The following MUC17 variants were observed in gnomAD, a reference collection of about 807,000 sequenced individuals.
MUC17 encodes mucin-17.
MUC17 carries 190 observed loss-of-function variants against 170.3 expected under a neutral mutation model. The ratio of observed to expected loss-of-function variants is 1.12; its 90% CI spans 0.99 to 1.26. The LOEUF (loss-of-function observed/expected upper bound fraction) is 1.26. Ranked by LOEUF, MUC17 falls within the 50% of genes most tolerant of loss-of-function variation. The pLI is 0.00. For missense variants in MUC17, 6,415 were observed against 5,530.0 expected, an observed-to-expected ratio of 1.16 and a Z score of -5.08; for synonymous variants, 2,325 against 2,002.5, an observed-to-expected ratio of 1.16 and a Z score of -4.30.
chr7:101,035,236 A>G lies in MUC17; in HGVS notation c.3820A>G (p.Ser1274Gly). Residue 1274 changes from serine (S) to glycine (G), a missense_variant, in exon 3 of 13, where the codon AGT (serine) becomes GGT (glycine). Transcript: ENST00000306151. ...EGTSLPTSTT[S>G]EGSTLLTSIP... ...TACCAGCTTGCCAACCTCAACTACT[A>G]GTGAAGGAAGTACTCTATTAACAAG... 2 of 1,608,894 alleles carry G rather than the reference A, an allele frequency of 1.2e-6. No homozygotes were observed. The highest frequency in any genetic ancestry group is 1.1e-5 in the South Asian group (1 of 90,676).
intron 12 of MUC17, 147 bp from the exon 13 acceptor site, chr7:101,057,856 G>T (rs1795075212): frequency 1.6e-6 from 1 of 608,462 alleles, no homozygotes; most frequent in Non-Finnish European, 2.7e-6. Flanking sequence ...CTCCAGCCTG[G>T]ATGGCAGAGT....
intron 1 of MUC17, among the ~76,000 whole-genome samples, chr7:101,022,879 C>A (rs1794118978): frequency 6.6e-6 from 1 of 152,124 alleles, no homozygotes; most frequent in African/African-American, 2.4e-5. Flanking sequence ...CACTAACTCT[C>A]CTTGCCTCAA....
intron 5 of MUC17, 134 bp downstream of exon 5, chr7:101,049,106 C>A (rs2116471747): frequency 6.9e-7 from 1 of 1,449,464 alleles, no homozygotes; most frequent in Non-Finnish European, 9.5e-7. Context: ...GTCCTCAGGG[C>A]TTGCCAGTGC....
At position 101,038,224 on chromosome 7, in the gene MUC17, C is replaced by G. The variant is rs1211856696; in HGVS notation, c.6808C>G (p.Pro2270Ala). ...SPTTAEGTSIPTSTLSEGTTP... is the reference protein window; with the variant it reads ...SPTTAEGTSIATSTLSEGTTP... ...TACAACTGCTGAAGGTACCAGCATACCAACTTCAACTCTTAGTGAAGGAAC... is the reference window on the plus strand; with the variant it reads ...TACAACTGCTGAAGGTACCAGCATAGCAACTTCAACTCTTAGTGAAGGAAC... The change falls in exon 3 of 13, where the codon CCA (proline) becomes GCA (alanine). Residue 2270 changes from proline (P) to alanine (A), a missense_variant. Transcript: ENST00000306151. The G allele has an allele frequency of 6.2e-7, 1 of 1,613,966 alleles. No individual in the cohort carries two copies. Among genetic ancestry groups the G allele is most frequent in the Non-Finnish European group, 8.5e-7 (1 of 1,179,978 alleles).
intron 1 of MUC17, among the ~76,000 whole-genome samples, chr7:101,027,821 G>C (rs904529759): frequency 6.6e-6 from 1 of 151,848 alleles, no homozygotes; most frequent in East Asian, 1.9e-4. Flanking sequence ...GTCCAGACTG[G>C]AGTGCAGTGA....
At position 101,036,804 on chromosome 7, in the gene MUC17, C is replaced by T. The variant is rs765037778; in HGVS notation, c.5388C>T (p.Thr1796=). The T allele has an allele frequency of 1.1e-5, 17 of 1,605,652 alleles. No homozygotes were observed. The Admixed American group carries it at 2.9e-4, about 27-fold the overall frequency. ...ATSSPTTAEG[T]SIPTSTLSEG... ...CGTCTCCTACAACTGCTGAAGGTACCAGCATACCAACCTCGACTCTTAGTG... is the reference window on the plus strand; with the variant it reads ...CGTCTCCTACAACTGCTGAAGGTACTAGCATACCAACCTCGACTCTTAGTG... The change falls in exon 3 of 13, where the codon ACC becomes ACT. Residue 1796 remains threonine (T), a synonymous_variant. Coordinates refer to ENST00000306151, the MANE Select transcript of MUC17 (RefSeq NM_001040105.2).
At chr7:101,049,209 G>A in intron 5 of MUC17, 115 bp from the exon 6 acceptor site, 1 of 1,495,332 alleles carries the variant, frequency 6.7e-7, no homozygotes, top group Non-Finnish European at 9.3e-7. Flanking sequence ...TCCATTTGAT[G>A]AGTGTGCTAT....
In MUC17 at chr7:101,034,823, C is replaced by A; in HGVS notation, c.3407C>A (p.Thr1136Asn). 6.2e-7 allele frequency: 1 copy of A among 1,608,054 alleles called. No individual in the cohort carries two copies. Among genetic ancestry groups the A allele is most frequent in the Non-Finnish European group, 8.5e-7 (1 of 1,176,550 alleles). ...ACCAGCATACCTGTCACCACTTCTA[C>A]TGAAGCCAGTTCATCTCCTACAACT... ...VDTSIPVTTS[T>N]EASSSPTTAE... The change falls in exon 3 of 13, where the codon ACT becomes AAT. Residue 1136 changes from threonine (T) to asparagine (N), a missense_variant. Transcript: ENST00000306151.
chr7:101,053,686 T>G, intron 11 of MUC17: 2 of 327,244 alleles, frequency 6.1e-6, no homozygotes, highest in East Asian at 1.0e-4. Context: ...GAGACCAGCC[T>G]GGACCACATA....
At chr7:101,027,398 G>A (rs2116395326) in intron 1 of MUC17, among the ~76,000 whole-genome samples, 1 of 152,046 alleles carries the variant, frequency 6.6e-6, no homozygotes, top group South Asian at 2.1e-4. Flanking sequence ...CCCCTAAAGG[G>A]CTGGGATTAC....
chr7:101,049,543 G>A (rs1794900084), intron 6 of MUC17, among the ~76,000 whole-genome samples, 161 bp downstream of exon 6: 1 of 152,182 alleles, frequency 6.6e-6, no homozygotes, highest in African/African-American at 2.4e-5. Flanking sequence ...ATTTCTCCCA[G>A]TTCTAGGGGC....
Position 101,037,114 on chromosome 7 carries a change from A to T in MUC17, c.5698A>T (p.Thr1900Ser), listed in dbSNP as rs778888418. Residue 1900 changes from threonine (T) to serine (S), a missense_variant, in exon 3 of 13, where the codon ACT (threonine) becomes TCT (serine). Transcript: ENST00000306151. ...TPAVTSTPVTTYAQVSSSPTT... is the reference protein window; with the variant it reads ...TPAVTSTPVTSYAQVSSSPTT... Reference sequence around the variant, plus strand: ...CGCTGTCACCAGCACACCTGTGACCACTTATGCTCAAGTCAGTTCATCTCC... The same window carrying T: ...CGCTGTCACCAGCACACCTGTGACCTCTTATGCTCAAGTCAGTTCATCTCC... The T allele has an allele frequency of 5.7e-6, 9 of 1,586,414 alleles. No homozygotes were observed. Among genetic ancestry groups the T allele is most frequent in the African/African-American group, 1.4e-5 (1 of 70,454 alleles).
At chr7:101,051,395 A>C (rs1224649794) in intron 7 of MUC17, among the ~76,000 whole-genome samples, 2 of 150,268 alleles carry the variant, frequency 1.3e-5, no homozygotes, top group Non-Finnish European at 3.0e-5. Context: ...AAAAAGAGTA[A>C]GAAAGAAAAT....
intron 10 of MUC17, 57 bp from the exon 11 acceptor site, chr7:101,053,282 G>C: frequency 1.3e-6 from 2 of 1,585,382 alleles, no homozygotes; most frequent in Non-Finnish European, 8.7e-7. Context: ...GCTTGTCCCT[G>C]GTCCTTATTC....
intron 1 of MUC17, among the ~76,000 whole-genome samples, chr7:101,025,566 C>T (rs1358368419): frequency 1.3e-5 from 2 of 151,806 alleles, no homozygotes; most frequent in East Asian, 2.0e-4. Context: ...CCAAGGCGGG[C>T]GGATTGCATG....
chr7:101,030,621 TGCA>T (rs1794261668), intron 1 of MUC17, among the ~76,000 whole-genome samples: 2 of 152,198 alleles, frequency 1.3e-5, no homozygotes, highest in African/African-American at 2.4e-5. Context: ...CAGGCTAGAG[TGCA>T]GTGGTGCCAT....
At position 101,021,181 on chromosome 7, in the gene MUC17, CTTTT is replaced by C. The variant is rs60346243; in HGVS notation, c.82+983_82+986del. ...CCCCAACCCTCACCTCTGTCTCCTC[CTTTT>C]TTTTTTTTTTTTTTTTTTGAGACGG... On this transcript the variant is annotated intron_variant, in intron 1 of 12. Transcript: ENST00000306151. Among the ~76,000 whole-genome samples the C allele has an allele frequency of 9.5e-5, 8 of 84,152 alleles. 1 individual carries two copies. Among genetic ancestry groups the C allele is most frequent in the African/African-American group, 4.5e-5 (1 of 22,286 alleles). 55.2% of individuals were successfully genotyped at this position (84,152 alleles called of 152,430 possible).
chr7:101,021,746 G>A (rs1164617268), intron 1 of MUC17, among the ~76,000 whole-genome samples: 1 of 152,018 alleles, frequency 6.6e-6, no homozygotes, highest in African/African-American at 2.4e-5. Context: ...CTGTCCTTTG[G>A]GACCCTGGCC....
Position 101,042,879 on chromosome 7 carries a change from C to T in MUC17, c.11463C>T (p.Ile3821=). 2 of 1,614,136 alleles carry T rather than the reference C, an allele frequency of 1.2e-6. No homozygotes were observed. Among genetic ancestry groups the T allele is most frequent in the Non-Finnish European group, 1.7e-6 (2 of 1,180,026 alleles). Residue 3821 remains isoleucine, a synonymous_variant, in exon 3 of 13, where the codon ATC becomes ATT. Transcript: ENST00000306151. Reference sequence around the variant, plus strand: ...GCACTTTATTGACAACTGTCCTCATCAGCCCTATATCTGTGATGAGTCCTT... The same window carrying T: ...GCACTTTATTGACAACTGTCCTCATTAGCCCTATATCTGTGATGAGTCCTT... ...ERSTLLTTVL[I]SPISVMSPSE... is the part of the protein sequence containing the mutation.
Sources: gnomAD v4.1 joint callset for allele counts (sites outside exome capture counted in the v4.1 genomes callset) on GRCh38, gnomAD v4.1.1 for gene constraint, MANE v1.5 for transcripts, NCBI Gene and HGNC (gene_info 2026-07-23, HGNC 2026-07-21) for gene names.